Variants in LCP2 observed in about 807,000 individuals in gnomAD.
LCP2 encodes 76 kDa tyrosine phosphoprotein.
Under a neutral mutation model 74.5 loss-of-function variants are expected in LCP2, and 29 were observed. That is an observed-to-expected ratio of 0.39 (90% confidence interval 0.29 to 0.53). The LOEUF (loss-of-function observed/expected upper bound fraction) is 0.53. LCP2 is among the 20% of genes least tolerant of loss of function. LCP2 has a pLI of 0.72. For synonymous variants in LCP2, 228 were observed against 229.5 expected (o/e 0.99, Z 0.06); for missense variants, 604 against 634.6 (o/e 0.95, Z 0.52).
intron 3 of LCP2, among the ~76,000 whole-genome samples, chr5:170,285,799 G>A (rs1235631098): frequency 1.3e-5 from 2 of 152,064 alleles, no homozygotes; most frequent in African/African-American, 4.8e-5. Context: ...TGCTAAAGAG[G>A]GGCCCCTCTG....
chr5:170,282,564 C>G (rs1435951234), intron 3 of LCP2, among the ~76,000 whole-genome samples: 1 of 152,194 alleles, frequency 6.6e-6, no homozygotes, highest in Non-Finnish European at 1.5e-5. Flanking sequence ...TATGTCCTCT[C>G]TATTCTTTAA....
At chr5:170,281,551 A>G (rs189141404) in intron 3 of LCP2, among the ~76,000 whole-genome samples, 1 of 152,318 alleles carries the variant, frequency 6.6e-6, no homozygotes, top group Non-Finnish European at 1.5e-5. Context: ...AAGTGCTGGG[A>G]TTACAGGCAT....
Position 170,289,649 on chromosome 5 carries a change from CTTTCTTTCTTTCTTTCTTTCTT to C in LCP2, c.142-1655_142-1634del, listed in dbSNP as rs1392929153. Reference sequence around the variant, plus strand: ...TCTTTCTTTCTTTCTTTCTTTCTTTCTTTCTTTCTTTCTTTCTTTCTTTCTCTCTCTCTCTCTTTCTTTCTTT... The same window carrying C: ...TCTTTCTTTCTTTCTTTCTTTCTTTCTCTCTCTCTCTCTCTTTCTTTCTTT... On this transcript the variant is annotated intron_variant, in intron 2 of 20. Transcript: ENST00000046794. Among the ~76,000 whole-genome samples the C allele has an allele frequency of 2.6e-3, 298 of 116,714 alleles. 2 individuals carry two copies. Among genetic ancestry groups the C allele is most frequent in the Non-Finnish European group, 3.9e-3 (216 of 56,000 alleles). The allele number at this position is 116,714 out of a possible 152,430, so 76.6% of individuals were successfully genotyped here. A position where few individuals can be genotyped will look rare whatever the true frequency, so the allele number is the denominator to read the frequency against.
intron 14 of LCP2, among the ~76,000 whole-genome samples, chr5:170,260,462 CAA>C (rs1761632179): frequency 6.6e-6 from 1 of 152,192 alleles, no homozygotes; most frequent in African/African-American, 2.4e-5. Context: ...ATGCAATTTG[CAA>C]AGAGTATCTT....
intron 3 of LCP2, among the ~76,000 whole-genome samples, chr5:170,283,202 G>A (rs1027635508): frequency 5.3e-5 from 8 of 152,104 alleles, no homozygotes; most frequent in African/African-American, 1.9e-4. Context: ...TTGGAGGAGG[G>A]GATTACATCG....
chr5:170,248,845 A>G, intron 20 of LCP2, 26 bp from the exon 21 acceptor site: 1 of 1,609,266 alleles, frequency 6.2e-7, no homozygotes, highest in Non-Finnish European at 8.5e-7. Flanking sequence ...TAGGGAGATG[A>G]GTCAACATTG....
intron 14 of LCP2, among the ~76,000 whole-genome samples, chr5:170,260,755 A>G (rs925513760): frequency 3.3e-5 from 5 of 152,242 alleles, no homozygotes; most frequent in African/African-American, 1.2e-4. Context: ...TGAAAAGGAA[A>G]ACAGTAGCCT....
intron 3 of LCP2, among the ~76,000 whole-genome samples, chr5:170,276,414 C>T (rs1762008566): frequency 6.6e-6 from 1 of 152,162 alleles, no homozygotes; most frequent in African/African-American, 2.4e-5. Context: ...CTCCCAGACT[C>T]CCACTTGGTG....
At chr5:170,293,511 A>G in intron 1 of LCP2, 139 bp from the exon 2 acceptor site, 1 of 752,332 alleles carries the variant, frequency 1.3e-6, no homozygotes, top group Non-Finnish European at 2.3e-6. Flanking sequence ...CTTGGCTAAC[A>G]GAGGGCCCAG....
chr5:170,256,695 GC>G lies in LCP2; in HGVS notation c.1101-121del. 1.4e-6 allele frequency: 1 copy of G among 734,898 alleles called. No individual in the cohort carries two copies. The highest frequency in any genetic ancestry group is 2.5e-6 in the Non-Finnish European group (1 of 406,856). 45.5% of individuals were successfully genotyped at this position (734,898 alleles called of 1,614,324 possible). ...TTGATTTGGTATCACTTTCCCTGCT[GC>G]CCCCAAAACCATGGGGGCTGGGCAC... On this transcript the variant is annotated intron_variant, in intron 16 of 20. Coordinates refer to ENST00000046794, the MANE Select transcript of LCP2 (RefSeq NM_005565.5). This position sits in a 1 kb window ranked among gnomAD's most constrained non-coding sequence, Gnocchi z 4.5.
intron 2 of LCP2, among the ~76,000 whole-genome samples, chr5:170,291,222 GAAGA>G (rs1302766983): frequency 2.6e-4 from 33 of 128,096 alleles, no homozygotes; most frequent in African/African-American, 1.0e-3. Flanking sequence ...AGGAAGGAAG[GAAGA>G]AAGGAAGGAA....
intron 3 of LCP2, 31 bp downstream of exon 3, chr5:170,287,939 A>G: frequency 6.2e-7 from 1 of 1,605,282 alleles, no homozygotes; most frequent in Non-Finnish European, 8.5e-7. Context: ...CTCTGCTCCC[A>G]GATCACCCAT....
chr5:170,268,411 G>A lies in LCP2; in HGVS notation c.595C>T (p.Pro199Ser). ...GAGTGATTCCGGCCGGCTGGTGGGG[G>A]CGGGAGGGCGGCCATCGGTCTCTGG... ...PPQRPMAALP[P>S]PPAGRNHSPL... Residue 199 changes from proline (P) to serine (S), a missense_variant, in exon 8 of 21, where the codon CCC becomes TCC. Coordinates refer to ENST00000046794, the MANE Select transcript of LCP2 (RefSeq NM_005565.5). 1.3e-6 allele frequency: 1 copy of A among 751,678 alleles called. No homozygotes were observed. Among genetic ancestry groups the A allele is most frequent in the Non-Finnish European group, 1.7e-6 (1 of 574,956 alleles). 46.6% of individuals were successfully genotyped at this position (751,678 alleles called of 1,614,324 possible).
chr5:170,273,961 G>A (rs989473714), intron 6 of LCP2: 9 of 248,066 alleles, frequency 3.6e-5, no homozygotes, highest in Admixed American at 5.1e-5. Flanking sequence ...TGGGTGAAGT[G>A]CAGTCAGCAA....
rs143482682 is a variant in LCP2 at position 170,267,586 on chromosome 5, C to G, written c.622-511G>C. On this transcript the variant is annotated intron_variant, in intron 8 of 20. Coordinates refer to ENST00000046794, the MANE Select transcript of LCP2 (RefSeq NM_005565.5). ...GTCCCAGGTCCTTGTCACCTCCCCC[C>G]CCCATACCGTCATGTTACCTGGTCT... Among the ~76,000 whole-genome samples, 339 of 151,992 alleles carry G rather than the reference C, an allele frequency of 2.2e-3. 1 individual carries two copies. Among genetic ancestry groups the G allele is most frequent in the East Asian group, 9.5e-3 (49 of 5,160 alleles).
chr5:170,287,822 C>T (rs892746942), intron 3 of LCP2, 148 bp downstream of exon 3: 16 of 724,458 alleles, frequency 2.2e-5, no homozygotes, highest in Non-Finnish European at 3.9e-5. Context: ...AACTTCTGTT[C>T]CCCACATCCT....
Position 170,268,399 on chromosome 5 carries a change from CGGCTGGTGGG to C in LCP2, c.597_606del (p.Pro200AlafsTer33). 1.6e-6 allele frequency: 1 copy of C among 629,754 alleles called. No individual in the cohort carries two copies. The allele number at this position is 629,754 out of a possible 1,614,324, so 39.0% of individuals were successfully genotyped here. A position where few individuals can be genotyped will look rare whatever the true frequency, so the allele number is the denominator to read the frequency against. On this transcript the variant is annotated frameshift_variant, in exon 8 of 21. Coordinates refer to ENST00000046794, the MANE Select transcript of LCP2 (RefSeq NM_005565.5). LOFTEE classifies it high-confidence loss of function. Reference sequence around the variant, plus strand: ...AGGAGGCCTACCGAGTGATTCCGGCCGGCTGGTGGGGGCGGGAGGGCGGCCATCGGTCTCT... The same window carrying C: ...AGGAGGCCTACCGAGTGATTCCGGCCGGCGGGAGGGCGGCCATCGGTCTCT...
intron 19 of LCP2, 121 bp from the exon 20 acceptor site, chr5:170,251,006 T>C: frequency 1.4e-6 from 1 of 698,380 alleles, no homozygotes; most frequent in Middle Eastern, 4.1e-4. Flanking sequence ...TTGCAGCTTC[T>C]TGAGTGCAAA....
intron 3 of LCP2, among the ~76,000 whole-genome samples, chr5:170,286,090 A>G (rs1762178361): frequency 6.6e-6 from 1 of 152,158 alleles, no homozygotes. Context: ...TTCAGTTGGG[A>G]AAGTAAATCT....
Sources: gnomAD v4.1 joint callset for allele counts (sites outside exome capture counted in the v4.1 genomes callset) on GRCh38, gnomAD v4.1.1 for gene constraint, Gnocchi (gnomAD v3.1) non-coding constraint, MANE v1.5 for transcripts, NCBI Gene and HGNC (gene_info 2026-07-23, HGNC 2026-07-21) for gene names.